Variants in LRPPRC observed in about 807,000 individuals in gnomAD.
LRPPRC encodes leucine rich pentatricopeptide repeat containing.
Under a neutral mutation model 180.3 loss-of-function variants are expected in LRPPRC, and 120 were observed. That is an observed-to-expected ratio of 0.67 (90% CI 0.57 to 0.77). LRPPRC has a LOEUF of 0.77. Ranked by LOEUF, LRPPRC falls within the 30% of genes least tolerant of loss-of-function variation. The pLI, the probability that LRPPRC is intolerant of heterozygous loss-of-function variation, is 0.00. For synonymous variants in LRPPRC, 723 were observed against 600.0 expected (o/e 1.21, Z -3.00); for missense variants, 2,012 against 1,657.2 (o/e 1.21, Z -3.72).
At chr2:43,991,498 G>T (rs6756455) in intron 1 of LRPPRC, among the ~76,000 whole-genome samples, 95,642 of 152,058 alleles carry the variant, frequency 0.63, 31,379 homozygotes, top group African/African-American at 0.67. Context: ...CAAACAGATT[G>T]AGCTCAAAGC....
At chr2:43,974,934 C>T (rs980458847) in intron 7 of LRPPRC, among the ~76,000 whole-genome samples, 157 bp downstream of exon 7, 2 of 151,866 alleles carry the variant, frequency 1.3e-5, no homozygotes, top group African/African-American at 4.8e-5. Context: ...ATACCAGCAC[C>T]GAGATACTAA....
At chr2:43,947,195 T>C in intron 20 of LRPPRC, 62 bp downstream of exon 20, 1 of 743,332 alleles carries the variant, frequency 1.3e-6, no homozygotes. Context: ...ATATTTGGTT[T>C]TTCTTATTGT....
At chr2:43,971,385 G>A (rs1440481489) in intron 11 of LRPPRC, among the ~76,000 whole-genome samples, 1 of 148,388 alleles carries the variant, frequency 6.7e-6, no homozygotes, top group African/African-American at 2.5e-5. Context: ...ATCTTTCTTG[G>A]AGGTTGGTGA....
intron 22 of LRPPRC, 43 bp downstream of exon 22, chr2:43,945,286 GGCA>G (rs1191136006): frequency 3.3e-6 from 4 of 1,218,034 alleles, no homozygotes; most frequent in East Asian, 2.3e-5. Flanking sequence ...TTATTCCAGT[GGCA>G]AGATACTTGC....
chr2:43,974,159 A>G lies in LRPPRC; in HGVS notation c.1146T>C (p.Thr382=). ...AAAGTGGACAGAATACCGTATTCAT[A>G]GTCACACAGTGTTGTAAAAAGAAAC... is the stretch of plus-strand genomic sequence containing the variant. ...FGSFFLQHCV[T]MNTPVEKLTD... Residue 382 remains threonine, a synonymous_variant, in exon 9 of 38, where the codon ACT becomes ACC. Transcript: ENST00000260665. 6.2e-7 allele frequency: 1 copy of G among 1,613,624 alleles called. No individual in the cohort carries two copies.
chr2:43,925,846 T>G, intron 26 of LRPPRC, 47 bp downstream of exon 26: 1 of 1,268,876 alleles, frequency 7.9e-7, no homozygotes, highest in Non-Finnish European at 1.2e-6. Context: ...ACCCTTGCCT[T>G]CTACTCACAC....
At position 43,899,552 on chromosome 2, in the gene LRPPRC, T is replaced by C. The variant is rs752249305; in HGVS notation, c.3623A>G (p.Asn1208Ser). The part of the protein sequence containing the change: ...ENIENMLTSE[N>S]KVIEPQYFGL... ...GAAGTATTGGGGTTCAATGACTTTA[T>C]TCTCTGAAGTAAGCATATTTTCAAT... Residue 1208 changes from asparagine (N) to serine (S), a missense_variant, in exon 33 of 38, where the codon AAT becomes AGT. Physicochemically the swap from Asn to Ser is conservative, Grantham distance 46 (BLOSUM62 1). Transcript: ENST00000260665. 6.2e-7 allele frequency: 1 copy of C among 1,610,966 alleles called. No individual in the cohort carries two copies. Among genetic ancestry groups the C allele is most frequent in the Non-Finnish European group, 8.5e-7 (1 of 1,177,112 alleles).
chr2:43,936,138 T>C (rs902702917), intron 23 of LRPPRC, among the ~76,000 whole-genome samples: 15 of 152,150 alleles, frequency 9.9e-5, no homozygotes, highest in Non-Finnish European at 2.1e-4. Context: ...GATCCAATTC[T>C]ACTTGCCACC....
rs760414849 is a variant in LRPPRC at position 43,963,583 on chromosome 2, C to G, written c.1488+5G>C. The stretch of plus-strand genomic sequence containing the variant: ...TTATTAAATTAAAACCACACTTGTA[C>G]TCACCTGCAAAATGGCTCGTGCTGA... On this transcript the variant is annotated splice_donor_5th_base_variant and intron_variant, in intron 12 of 37. Coordinates refer to ENST00000260665, the MANE Select transcript of LRPPRC (RefSeq NM_133259.4). The G allele has an allele frequency of 6.6e-7, 1 of 1,506,282 alleles. No homozygotes were observed. The highest frequency in any genetic ancestry group is 1.1e-5 in the South Asian group (1 of 88,910). 93.3% of individuals were successfully genotyped at this position (1,506,282 alleles called of 1,614,324 possible). A position where few individuals can be genotyped will look rare whatever the true frequency, so the allele number is the denominator to read the frequency against.
At chr2:43,888,885 C>T (rs539686533) in intron 37 of LRPPRC, among the ~76,000 whole-genome samples, 41 of 151,770 alleles carry the variant, frequency 2.7e-4, no homozygotes, top group East Asian at 1.2e-3. Context: ...TGTGTGTATA[C>T]GTGTGTATGT....
At position 43,970,176 on chromosome 2, in the gene LRPPRC, T is replaced by C. The variant is rs139419954; in HGVS notation, c.1369+3431A>G. 4.0e-4 allele frequency among the ~76,000 whole-genome samples: 61 copies of C among 152,336 alleles called. 1 individual carries two copies. The highest frequency in any genetic ancestry group is 1.4e-3 in the African/African-American group (58 of 41,590). ...CCATCTTCTAAGCCTCAAATATGTT[T>C]CATTCTCTTAGTTCTTCATTTTTCC... On this transcript the variant is annotated intron_variant, in intron 11 of 37. Coordinates refer to ENST00000260665, the MANE Select transcript of LRPPRC (RefSeq NM_133259.4).
At chr2:43,898,630 G>T (rs1428375614) in intron 34 of LRPPRC, among the ~76,000 whole-genome samples, 4 of 152,110 alleles carry the variant, frequency 2.6e-5, no homozygotes, top group Admixed American at 6.5e-5. Flanking sequence ...TTCCCTGAAG[G>T]TTGCTAATTT....
rs906831912 is a variant in LRPPRC at position 43,910,303 on chromosome 2, G to A, written c.3275+2129C>T. Among the ~76,000 whole-genome samples the A allele has an allele frequency of 2.0e-5, 3 of 150,348 alleles. No homozygotes were observed. In the Admixed American group the frequency reaches 2.0e-4, roughly 10 times the overall value. The stretch of plus-strand genomic sequence containing the variant: ...GGCTGGAATGCAGTGGCGCGATCTT[G>A]GGCTCACTGCAACCTCTGCCACCCA... On this transcript the variant is annotated intron_variant, in intron 30 of 37. Transcript: ENST00000260665.
chr2:43,991,972 T>G lies in LRPPRC; in HGVS notation c.149+3827A>C, dbSNP rs114574248. Reference sequence around the variant, plus strand: ...TTTTCATTGATTCACTCAACAAACATTTGACACCTACTATATGCCACAAAG... The same window carrying G: ...TTTTCATTGATTCACTCAACAAACAGTTGACACCTACTATATGCCACAAAG... On this transcript the variant is annotated intron_variant, in intron 1 of 37. Coordinates refer to ENST00000260665, the MANE Select transcript of LRPPRC (RefSeq NM_133259.4). Among the ~76,000 whole-genome samples, 1,120 of 152,324 alleles carry G rather than the reference T, an allele frequency of 7.4e-3. 13 individuals carry two copies. Among genetic ancestry groups the G allele is most frequent in the African/African-American group, 0.025 (1,031 of 41,578 alleles).
chr2:43,918,065 C>T lies in LRPPRC; in HGVS notation c.3108G>A (p.Gln1036=). The T allele has an allele frequency of 6.2e-7, 1 of 1,603,734 alleles. No individual in the cohort carries two copies. Among genetic ancestry groups the T allele is most frequent in the South Asian group, 1.1e-5 (1 of 90,872 alleles). The stretch of plus-strand genomic sequence containing the variant: ...ATCGGCAGGCAATCAATATATCTTT[C>T]TGGAAATCAGGTTCTGTGGTTGAGG... ...SSASTTEPDF[Q]KDILIACRLN... is the part of the protein sequence containing the mutation. The change falls in exon 29 of 38, where the codon CAG becomes CAA. Residue 1036 remains glutamine, a synonymous_variant. Coordinates refer to ENST00000260665, the MANE Select transcript of LRPPRC (RefSeq NM_133259.4).
chr2:43,889,707 T>C (rs200320681), intron 37 of LRPPRC, 27 bp downstream of exon 37: 103 of 1,580,408 alleles, frequency 6.5e-5, no homozygotes, highest in Non-Finnish European at 8.2e-5. Context: ...CAGAGGTATT[T>C]TTTCCCCTTA....
chr2:43,943,175 G>C (rs1672548560), intron 23 of LRPPRC, among the ~76,000 whole-genome samples: 1 of 151,926 alleles, frequency 6.6e-6, no homozygotes, highest in South Asian at 2.1e-4. Context: ...GCACCAACAA[G>C]AGCATTTCAA....
chr2:43,890,581 C>T (rs1339495024), intron 36 of LRPPRC, among the ~76,000 whole-genome samples: 19 of 152,070 alleles, frequency 1.2e-4, no homozygotes, highest in Admixed American at 1.1e-3. Context: ...GGCGTGGTGG[C>T]GGGTGTCTGT....
In LRPPRC at chr2:43,923,857, G is replaced by C. The variant is rs1360314489; in HGVS notation, c.2896+1210C>G. Among the ~76,000 whole-genome samples the C allele has an allele frequency of 2.0e-5, 3 of 152,144 alleles. No homozygotes were observed. In the East Asian group the frequency reaches 5.8e-4, roughly 29 times the overall value. On this transcript the variant is annotated intron_variant, in intron 27 of 37. Transcript: ENST00000260665. ...TTGTTTTTAAAAGGAAGAAAAAGTA[G>C]GTAGAGTGGAATGTTAGTGCTCAAA...
Sources: gnomAD v4.1 joint callset for allele counts (sites outside exome capture counted in the v4.1 genomes callset) on GRCh38, gnomAD v4.1.1 for gene constraint, MANE v1.5 for transcripts, NCBI Gene and HGNC (gene_info 2026-07-23, HGNC 2026-07-21) for gene names.